COL25A1: variants seen among roughly 807,000 people sequenced by gnomAD.
The protein encoded by COL25A1 is collagen type XXV alpha 1 chain, also known as collagen alpha-1(XXV) chain.
A neutral mutation model predicts 128.4 loss-of-function variants in COL25A1; 103 were observed. The observed-to-expected ratio is 0.80, with a 90% confidence interval of 0.68 to 0.94. The LOEUF (loss-of-function observed/expected upper bound fraction) is 0.94, where lower values mean the gene tolerates loss of function less well. Among genes scored for constraint, COL25A1 ranks in the 40% least tolerant of loss-of-function variants. The probability of loss-of-function intolerance (pLI) is 0.00; values close to 1 mark genes in which losing one functional copy is unlikely to be tolerated. For synonymous variants in COL25A1, 279 were observed against 277.2 expected, an observed-to-expected ratio of 1.01 and a Z score of -0.06; for missense variants, 745 against 840.0, an observed-to-expected ratio of 0.89 and a Z score of 1.40.
chr4:108,902,517 T>A (rs1162054850), intron 13 of COL25A1, among the ~76,000 whole-genome samples: 1 of 151,958 alleles, frequency 6.6e-6, no homozygotes, highest in Non-Finnish European at 1.5e-5. Context: ...TATTATTTGG[T>A]TTATAGTCCC....
intron 19 of COL25A1, among the ~76,000 whole-genome samples, chr4:108,880,363 G>A (rs1739976809): frequency 6.6e-6 from 1 of 152,198 alleles, no homozygotes; most frequent in Non-Finnish European, 1.5e-5. Context: ...GATCCTGACT[G>A]CTCTTAAAGT....
intron 3 of COL25A1, among the ~76,000 whole-genome samples, chr4:109,160,970 G>A (rs1772515027): frequency 6.6e-6 from 1 of 151,956 alleles, no homozygotes; most frequent in South Asian, 2.1e-4. Flanking sequence ...ATCCATATAT[G>A]AAATATTTAT....
intron 32 of COL25A1, among the ~76,000 whole-genome samples, chr4:108,829,621 C>T (rs1214943281): frequency 6.6e-6 from 1 of 152,142 alleles, no homozygotes; most frequent in Non-Finnish European, 1.5e-5. Flanking sequence ...CCATTCCCTT[C>T]TCACTTGAGA....
intron 3 of COL25A1, among the ~76,000 whole-genome samples, chr4:109,138,549 G>C (rs1399872921): frequency 6.6e-6 from 1 of 152,156 alleles, no homozygotes; most frequent in Non-Finnish European, 1.5e-5. Context: ...CTAGATCCTT[G>C]AGGAATTGCC....
intron 33 of COL25A1, 85 bp downstream of exon 33, chr4:108,827,050 C>A: frequency 8.7e-7 from 1 of 1,146,182 alleles, no homozygotes; most frequent in Non-Finnish European, 1.3e-6. Context: ...CATTAGTCTG[C>A]CCCACAAGCG....
At chr4:108,921,920 G>A (rs886177860) in intron 11 of COL25A1, among the ~76,000 whole-genome samples, 5 of 152,108 alleles carry the variant, frequency 3.3e-5, no homozygotes, top group Non-Finnish European at 7.4e-5. Context: ...AGATTTTGCA[G>A]AGAAAATAGA....
intron 6 of COL25A1, among the ~76,000 whole-genome samples, chr4:109,007,824 G>A (rs1194511278): frequency 1.3e-5 from 2 of 151,974 alleles, no homozygotes; most frequent in African/African-American, 4.8e-5. Flanking sequence ...CATGATATAC[G>A]TTCATTCTTA....
chr4:108,863,277 C>G, intron 21 of COL25A1, 42 bp downstream of exon 21: 3 of 1,583,046 alleles, frequency 1.9e-6, no homozygotes, highest in Non-Finnish European at 1.7e-6. Context: ...TAAATCAAAT[C>G]AAGCCAGAGA....
intron 31 of COL25A1, among the ~76,000 whole-genome samples, chr4:108,832,994 A>AATAC (rs1733347849): frequency 2.1e-5 from 3 of 146,332 alleles, no homozygotes; most frequent in Admixed American, 6.7e-5. Context: ...TAAATAAATA[A>AATAC]ATAAATAAAG....
intron 13 of COL25A1, among the ~76,000 whole-genome samples, chr4:108,913,261 C>CTTTTTTT (rs201929872): frequency 4.3e-5 from 4 of 92,418 alleles, no homozygotes; most frequent in Admixed American, 1.5e-4. Context: ...TCTCTAGCTC[C>CTTTTTTT]TTTTTTTTTT....
chr4:109,138,030 A>G (rs1769977883), intron 3 of COL25A1, among the ~76,000 whole-genome samples: 1 of 121,774 alleles, frequency 8.2e-6, no homozygotes, highest in South Asian at 3.0e-4. Context: ...ATACATGTGC[A>G]GAACATGCAG....
intron 6 of COL25A1, among the ~76,000 whole-genome samples, chr4:108,980,218 G>C (rs1004458682): frequency 6.6e-6 from 1 of 152,170 alleles, no homozygotes; most frequent in Admixed American, 6.5e-5. Flanking sequence ...GGGATTCTTA[G>C]GAAGTATTTG....
intron 3 of COL25A1, among the ~76,000 whole-genome samples, chr4:109,282,156 A>AT (rs201607362): frequency 6.6e-6 from 1 of 152,122 alleles, no homozygotes; most frequent in Non-Finnish European, 1.5e-5. Context: ...CAACGAAATC[A>AT]TTTTTTTAAT....
intron 8 of COL25A1, among the ~76,000 whole-genome samples, chr4:108,969,217 C>T (rs72670311): frequency 0.21 from 31,986 of 152,078 alleles, 3,451 homozygotes; most frequent in Admixed American, 0.24. Context: ...AGCCCTATTC[C>T]CCTTGTCCCT....
At chr4:109,094,512 T>C (rs894427626) in intron 3 of COL25A1, among the ~76,000 whole-genome samples, 17 of 152,222 alleles carry the variant, frequency 1.1e-4, no homozygotes, top group African/African-American at 3.9e-4. Flanking sequence ...AAAGAGAATG[T>C]GTGGTTTTAT....
chr4:109,030,360 T>G (rs1002630866), intron 5 of COL25A1, among the ~76,000 whole-genome samples: 6 of 152,100 alleles, frequency 3.9e-5, no homozygotes, highest in African/African-American at 1.2e-4. Flanking sequence ...TGGGCACACT[T>G]TGGCTCAGCA....
intron 3 of COL25A1, among the ~76,000 whole-genome samples, chr4:109,238,208 T>C (rs1779599124): frequency 6.6e-6 from 1 of 152,056 alleles, no homozygotes; most frequent in South Asian, 2.1e-4. Flanking sequence ...TTATGGTAAT[T>C]CTGTTTTTAA....
chr4:109,105,638 G>A (rs933017474), intron 3 of COL25A1, among the ~76,000 whole-genome samples: 1 of 152,112 alleles, frequency 6.6e-6, no homozygotes, highest in Non-Finnish European at 1.5e-5. Flanking sequence ...GAAAAATGAA[G>A]AGCTATGAAA....
At chr4:109,203,093 C>T (rs1039801060) in intron 3 of COL25A1, among the ~76,000 whole-genome samples, 1 of 152,118 alleles carries the variant, frequency 6.6e-6, no homozygotes, top group African/African-American at 2.4e-5. Context: ...GTCCCACCTT[C>T]ATGACTAAAT....
Sources: gnomAD v4.1 joint callset for allele counts (sites outside exome capture counted in the v4.1 genomes callset) on GRCh38, gnomAD v4.1.1 for gene constraint, MANE v1.5 for transcripts, NCBI Gene and HGNC (gene_info 2026-07-23, HGNC 2026-07-21) for gene names.